C3orf70: variants seen among roughly 807,000 people sequenced by gnomAD.
C3orf70 encodes the protein UPF0524 protein C3orf70.
In C3orf70, 15 loss-of-function variants were observed where a neutral mutation model predicts 20.7. The ratio of observed to expected loss-of-function variants is 0.72; its 90% CI spans 0.48 to 1.11. C3orf70 has a LOEUF of 1.11. Among genes scored for constraint, C3orf70 ranks in the 50% most tolerant of loss-of-function variants. The pLI, the probability that C3orf70 is intolerant of heterozygous loss-of-function variation, is 0.00. For missense variants in C3orf70, 332 were observed against 317.6 expected (o/e 1.05, Z -0.34); for synonymous variants, 161 against 125.7 (o/e 1.28, Z -1.88).
intron 1 of C3orf70, among the ~76,000 whole-genome samples, chr3:185,091,689 CT>C (rs1234411321): frequency 0.023 from 3,207 of 139,938 alleles, 81 homozygotes; most frequent in African/African-American, 0.075. Context: ...AGCCATTTTA[CT>C]TTTTTTTTTT....
intron 1 of C3orf70, among the ~76,000 whole-genome samples, chr3:185,145,057 T>C (rs949844533): frequency 6.6e-6 from 1 of 152,238 alleles, no homozygotes; most frequent in Non-Finnish European, 1.5e-5. Flanking sequence ...CCACATTCTA[T>C]GTGTATACGA....
At chr3:185,110,547 G>GCCCCC (rs543519113) in intron 1 of C3orf70, among the ~76,000 whole-genome samples, 28 of 151,132 alleles carry the variant, frequency 1.9e-4, no homozygotes, top group African/African-American at 6.4e-4. Context: ...TTAGGAGCAG[G>GCCCCC]CCCCCCCTCA....
rs1184628366 is a variant in C3orf70, at chr3:185,089,104, C to G, written c.197-5541G>C. 2.6e-5 allele frequency among the ~76,000 whole-genome samples: 4 copies of G among 152,160 alleles called. No homozygotes were observed. In the East Asian group the frequency reaches 7.7e-4, roughly 29 times the overall value. Reference sequence around the variant, plus strand: ...CGGATAAGATGCCCACGAAAGAACACCTGCCCAGTAACGGCATCTCCACTG... The same window carrying G: ...CGGATAAGATGCCCACGAAAGAACAGCTGCCCAGTAACGGCATCTCCACTG... On this transcript the variant is annotated intron_variant, in intron 1 of 1. Coordinates refer to ENST00000335012, the MANE Select transcript of C3orf70 (RefSeq NM_001025266.3).
At chr3:185,099,955 A>G (rs1215578996) in intron 1 of C3orf70, among the ~76,000 whole-genome samples, 1 of 152,206 alleles carries the variant, frequency 6.6e-6, no homozygotes, top group Non-Finnish European at 1.5e-5. Flanking sequence ...CAGATTTTTA[A>G]AAAGGGCATT....
intron 1 of C3orf70, among the ~76,000 whole-genome samples, chr3:185,125,356 G>C (rs1469407606): frequency 6.6e-6 from 1 of 150,930 alleles, no homozygotes; most frequent in Non-Finnish European, 1.5e-5. Flanking sequence ...CTCCAGCCTG[G>C]GCAACAAGAG....
chr3:185,122,505 C>T (rs889502481), intron 1 of C3orf70, among the ~76,000 whole-genome samples: 6 of 152,110 alleles, frequency 3.9e-5, no homozygotes, highest in Non-Finnish European at 7.3e-5. Flanking sequence ...AGTTGCATCA[C>T]GGAAAGTGGA....
intron 1 of C3orf70, among the ~76,000 whole-genome samples, chr3:185,090,576 G>A (rs1715545249): frequency 6.6e-6 from 1 of 152,070 alleles, no homozygotes; most frequent in Non-Finnish European, 1.5e-5. Flanking sequence ...GAGGTAAATT[G>A]CATGCACAGT....
chr3:185,136,488 C>G (rs529839357), intron 1 of C3orf70, among the ~76,000 whole-genome samples: 2 of 152,236 alleles, frequency 1.3e-5, no homozygotes, highest in East Asian at 3.9e-4. Context: ...TTTGGTAGGC[C>G]AAGGCGGGTG....
chr3:185,087,042 A>T (rs1318431691), intron 1 of C3orf70, among the ~76,000 whole-genome samples: 1 of 151,922 alleles, frequency 6.6e-6, no homozygotes, highest in Admixed American at 6.6e-5. Flanking sequence ...GCACTGCAAG[A>T]TCCTGAATTA....
intron 1 of C3orf70, among the ~76,000 whole-genome samples, chr3:185,112,358 T>C (rs560036669): frequency 1.3e-5 from 2 of 152,306 alleles, no homozygotes; most frequent in Non-Finnish European, 2.9e-5. Flanking sequence ...AAGAAACTGG[T>C]TGAGTGACTG....
rs182834304 is a variant in C3orf70, at chr3:185,078,813, T to G, written c.*4194A>C. 7 of 152,358 alleles carry G rather than the reference T, an allele frequency of 4.6e-5. No homozygotes were observed. The highest frequency in any genetic ancestry group is 1.7e-4 in the African/African-American group (7 of 41,578). The allele number at this position is 152,358 out of a possible 1,614,324, so 9.4% of individuals were successfully genotyped here. A position where few individuals can be genotyped will look rare whatever the true frequency, so the allele number is the denominator to read the frequency against. ...CTGACTGTAGAAATATTTTAACTTG[T>G]GCTTTTTCTCCTGCCCAGTAGTATC... On this transcript the variant is annotated 3_prime_UTR_variant, in exon 2 of 2. Coordinates refer to ENST00000335012, the MANE Select transcript of C3orf70 (RefSeq NM_001025266.3).
At chr3:185,101,103 T>C (rs1236749022) in intron 1 of C3orf70, among the ~76,000 whole-genome samples, 2 of 152,122 alleles carry the variant, frequency 1.3e-5, no homozygotes, top group African/African-American at 4.8e-5. Context: ...CTATCAGATA[T>C]ATAAAGATGA....
intron 1 of C3orf70, among the ~76,000 whole-genome samples, chr3:185,095,340 C>T (rs554032216): frequency 2.2e-4 from 33 of 152,246 alleles, no homozygotes; most frequent in Admixed American, 6.5e-4. Flanking sequence ...GCCTGGAACA[C>T]GATGATTCTC....
At chr3:185,152,129 A>T (rs2108609507) in intron 1 of C3orf70, among the ~76,000 whole-genome samples, 1 of 152,264 alleles carries the variant, frequency 6.6e-6, no homozygotes, top group Middle Eastern at 3.4e-3. Flanking sequence ...GGGTACAATC[A>T]AGGGGGAAAC....
Position 185,109,765 on chromosome 3 carries a change from G to A in C3orf70, c.197-26202C>T, listed in dbSNP as rs148839165. 2.8e-4 allele frequency among the ~76,000 whole-genome samples: 42 copies of A among 152,146 alleles called. No homozygotes were observed. The East Asian group carries it at 6.6e-3, about 24-fold the overall frequency. ...ATCACTCTATGACACAGTTACACAC[G>A]CTTTCTGATCTCAGTATTTACCATA... On this transcript the variant is annotated intron_variant, in intron 1 of 1. Coordinates refer to ENST00000335012, the MANE Select transcript of C3orf70 (RefSeq NM_001025266.3).
At chr3:185,092,077 G>A (rs1248088602) in intron 1 of C3orf70, among the ~76,000 whole-genome samples, 1 of 149,734 alleles carries the variant, frequency 6.7e-6, no homozygotes, top group Non-Finnish European at 1.5e-5. Context: ...GGGATTACAG[G>A]CATGAGCCAC....
At chr3:185,129,998 C>G (rs1716495114) in intron 1 of C3orf70, among the ~76,000 whole-genome samples, 1 of 152,136 alleles carries the variant, frequency 6.6e-6, no homozygotes, top group Admixed American at 6.5e-5. Context: ...GCTTCTGTTC[C>G]AGTGTATCTC....
At chr3:185,146,236 T>C (rs1377909025) in intron 1 of C3orf70, among the ~76,000 whole-genome samples, 1 of 151,762 alleles carries the variant, frequency 6.6e-6, no homozygotes, top group African/African-American at 2.4e-5. Context: ...TTAAAATCTG[T>C]ATCCTCTTCC....
At chr3:185,097,182 T>C (rs1561335427) in intron 1 of C3orf70, among the ~76,000 whole-genome samples, 1 of 152,178 alleles carries the variant, frequency 6.6e-6, no homozygotes, top group Non-Finnish European at 1.5e-5. Context: ...GATTGTCTAC[T>C]GAGAAAATAA....
Sources: allele counts gnomAD v4.1 joint callset (sites outside exome capture counted in the v4.1 genomes callset), GRCh38; gene constraint gnomAD v4.1.1; transcripts MANE v1.5; gene names NCBI Gene and HGNC (gene_info 2026-07-23, HGNC 2026-07-21).